The following TRIP4 variants were observed in gnomAD, a reference collection of about 807,000 sequenced individuals.
TRIP4 encodes the protein thyroid hormone receptor interactor 4, also known as activating signal cointegrator 1.
In TRIP4, 54 loss-of-function variants were observed where a neutral mutation model predicts 81.8. That is an observed-to-expected ratio of 0.66 (90% CI 0.53 to 0.83). TRIP4 has a LOEUF of 0.83. Among genes scored for constraint, TRIP4 ranks in the 40% least tolerant of loss-of-function variants. The probability of loss-of-function intolerance (pLI) is 0.00; values close to 1 mark genes in which losing one functional copy is unlikely to be tolerated. For synonymous variants in TRIP4, 270 were observed against 242.8 expected (o/e 1.11, Z -1.04); for missense variants, 662 against 683.6 (o/e 0.97, Z 0.35).
intron 11 of TRIP4, among the ~76,000 whole-genome samples, chr15:64,429,144 G>A (rs925876985): frequency 6.6e-6 from 1 of 151,508 alleles, no homozygotes; most frequent in Non-Finnish European, 1.5e-5. Flanking sequence ...GTGAAACCCC[G>A]TCTCTACTAA....
At chr15:64,419,427 C>T (rs1419176551) in intron 9 of TRIP4, among the ~76,000 whole-genome samples, 4 of 151,862 alleles carry the variant, frequency 2.6e-5, no homozygotes, top group East Asian at 1.9e-4. Flanking sequence ...GGCGTGGTCT[C>T]GGCTCACTGC....
intron 11 of TRIP4, among the ~76,000 whole-genome samples, chr15:64,438,674 T>G (rs1892453776): frequency 6.6e-6 from 1 of 152,118 alleles, no homozygotes; most frequent in African/African-American, 2.4e-5. Context: ...CAAAAATAAT[T>G]GTCATGAGTG....
chr15:64,451,942 T>C (rs1219318489), intron 12 of TRIP4, among the ~76,000 whole-genome samples: 2 of 134,320 alleles, frequency 1.5e-5, no homozygotes, highest in Admixed American at 8.1e-5. Flanking sequence ...AGTGAGCCAC[T>C]GTGCCCGGCC....
chr15:64,444,904 G>C lies in TRIP4; in HGVS notation c.1576-102G>C, dbSNP rs7167394. ...CTCTTTACCTGTGAAATGGAAAGTA[G>C]TATCATCAGAATGTTGAGGTGAAAT... is the stretch of plus-strand genomic sequence containing the variant. On this transcript the variant is annotated intron_variant, in intron 11 of 12. Transcript: ENST00000261884. 0.9 allele frequency: 588,078 copies of C among 651,030 alleles called. 269,216 individuals are homozygous for C. Among genetic ancestry groups the C allele is most frequent in the Non-Finnish European group, 0.95 (349,610 of 367,976 alleles). The allele number at this position is 651,030 out of a possible 1,614,324, so 40.3% of individuals were successfully genotyped here.
rs529169142 is a variant in TRIP4, at chr15:64,455,256, C to T, written c.*192C>T. 1.2e-4 allele frequency: 52 copies of T among 449,564 alleles called. No homozygotes were observed. The highest frequency in any genetic ancestry group is 6.6e-4 in the African/African-American group (33 of 49,708). The allele number at this position is 449,564 out of a possible 1,614,324, so 27.8% of individuals were successfully genotyped here. On this transcript the variant is annotated 3_prime_UTR_variant, in exon 13 of 13. Transcript: ENST00000261884. ...GGATTCCTACTTTATGTAATGGGGTCGAAATCTTTGAACACATTATTTATA... is the reference window on the plus strand; with the variant it reads ...GGATTCCTACTTTATGTAATGGGGTTGAAATCTTTGAACACATTATTTATA...
At chr15:64,426,736 C>G (rs369583050) in intron 11 of TRIP4, among the ~76,000 whole-genome samples, 1 of 143,710 alleles carries the variant, frequency 7.0e-6, no homozygotes, top group East Asian at 2.1e-4. Context: ...CATGGTGGCT[C>G]ACGCCTGTAA....
intron 9 of TRIP4, among the ~76,000 whole-genome samples, chr15:64,420,938 C>G (rs890825736): frequency 1.6e-4 from 25 of 152,050 alleles, no homozygotes; most frequent in Admixed American, 7.2e-4. Flanking sequence ...AAGGCAGTAG[C>G]TCTATGAAAT....
chr15:64,426,452 C>T (rs1892146659), intron 11 of TRIP4, among the ~76,000 whole-genome samples: 1 of 152,142 alleles, frequency 6.6e-6, no homozygotes, highest in Non-Finnish European at 1.5e-5. Context: ...GCAGTCCCAG[C>T]ACTTTGGGAA....
intron 11 of TRIP4, among the ~76,000 whole-genome samples, chr15:64,436,545 C>T (rs966046719): frequency 4.0e-5 from 6 of 151,784 alleles, no homozygotes; most frequent in East Asian, 2.0e-4. Flanking sequence ...GAGCTGAGAT[C>T]GCGCTACTGC....
At chr15:64,398,122 C>T (rs1900347767) in intron 4 of TRIP4, among the ~76,000 whole-genome samples, 1 of 152,064 alleles carries the variant, frequency 6.6e-6, no homozygotes, top group Admixed American at 6.6e-5. Flanking sequence ...AGGATGGTCT[C>T]GATCTCCTGA....
At chr15:64,446,964 C>T (rs1892648033) in intron 12 of TRIP4, among the ~76,000 whole-genome samples, 2 of 151,878 alleles carry the variant, frequency 1.3e-5, no homozygotes, top group South Asian at 4.1e-4. Context: ...ATTAGCCAGG[C>T]ATGGTAGCGG....
chr15:64,398,303 C>T (rs1205098267), intron 4 of TRIP4, among the ~76,000 whole-genome samples: 1 of 151,518 alleles, frequency 6.6e-6, no homozygotes, highest in Admixed American at 6.6e-5. Context: ...CACAGTGGCA[C>T]ACGCCTGTAG....
intron 12 of TRIP4, among the ~76,000 whole-genome samples, chr15:64,448,124 C>T (rs1461029641): frequency 1.3e-5 from 2 of 152,182 alleles, no homozygotes; most frequent in Admixed American, 6.5e-5. Flanking sequence ...TAGGAGGAAA[C>T]GGTGGTAAAT....
intron 1 of TRIP4, among the ~76,000 whole-genome samples, chr15:64,389,642 A>G (rs1900058440): frequency 6.6e-6 from 1 of 152,146 alleles, no homozygotes. Context: ...ATCAAATGAA[A>G]TAATGAAACT....
chr15:64,425,468 G>A, intron 10 of TRIP4, 72 bp from the exon 11 acceptor site: 1 of 1,289,136 alleles, frequency 7.8e-7, no homozygotes, highest in Non-Finnish European at 1.1e-6. Context: ...GTTCAGAATT[G>A]AAAACAGATT....
At chr15:64,440,951 C>T (rs1755891266) in intron 11 of TRIP4, among the ~76,000 whole-genome samples, 1 of 151,826 alleles carries the variant, frequency 6.6e-6, no homozygotes, top group South Asian at 2.1e-4. Context: ...GTGTATTCAC[C>T]ATGAATAAAA....
chr15:64,427,437 C>CCAA (rs1333035215), intron 11 of TRIP4, among the ~76,000 whole-genome samples: 1 of 151,962 alleles, frequency 6.6e-6, no homozygotes, highest in Non-Finnish European at 1.5e-5. Flanking sequence ...GGCTGGAGTG[C>CCAA]CAATCTTGGC....
chr15:64,447,715 G>T (rs1892664983), intron 12 of TRIP4, among the ~76,000 whole-genome samples: 1 of 152,116 alleles, frequency 6.6e-6, no homozygotes, highest in South Asian at 2.1e-4. Context: ...CACTATTAAG[G>T]ATTTATTTAT....
At position 64,395,505 on chromosome 15, in the gene TRIP4, G is replaced by A; in HGVS notation, c.379G>A (p.Val127Ile). The A allele has an allele frequency of 6.2e-7, 1 of 1,611,866 alleles. No homozygotes were observed. Among genetic ancestry groups the A allele is most frequent in the South Asian group, 1.1e-5 (1 of 90,638 alleles). ...TACTGAACCTGACACGACTGCAGAG[G>A]TTAAAACACCTTTTGATTTGGCCAA... ...AFTEPDTTAEVKTPFDLAKAQ... is the reference protein window; with the variant it reads ...AFTEPDTTAEIKTPFDLAKAQ... The change falls in exon 3 of 13, where the codon GTT becomes ATT. Residue 127 changes from valine (V) to isoleucine (I), a missense_variant. Coordinates refer to ENST00000261884, the MANE Select transcript of TRIP4 (RefSeq NM_016213.5).
Sources: gnomAD v4.1 joint callset for allele counts (sites outside exome capture counted in the v4.1 genomes callset) on GRCh38, gnomAD v4.1.1 for gene constraint, MANE v1.5 for transcripts, NCBI Gene and HGNC (gene_info 2026-07-23, HGNC 2026-07-21) for gene names.